Variants in GAS2 observed in about 807,000 individuals in gnomAD.
GAS2 encodes growth arrest-specific protein 2.
GAS2 carries 20 observed loss-of-function variants against 37.5 expected under a neutral mutation model. That is an observed-to-expected ratio of 0.53 (90% CI 0.37 to 0.77). The LOEUF (loss-of-function observed/expected upper bound fraction) is 0.77, where lower values mean the gene tolerates loss of function less well. Among genes scored for constraint, GAS2 ranks in the 30% least tolerant of loss-of-function variants. The pLI, the probability that GAS2 is intolerant of heterozygous loss-of-function variation, is 0.00. For missense variants in GAS2, 336 were observed against 373.4 expected (o/e 0.90, Z 0.82); for synonymous variants, 144 against 132.2 (o/e 1.09, Z -0.61).
chr11:22,667,204 C>G (rs1849019607), intron 1 of GAS2: 1 of 152,176 alleles, frequency 6.6e-6, no homozygotes. Flanking sequence ...CGTAAGCCCG[C>G]TGGGGTGGCT....
At chr11:22,811,507 G>C (rs1297073758) in intron 7 of GAS2, among the ~76,000 whole-genome samples, 1 of 152,166 alleles carries the variant, frequency 6.6e-6, no homozygotes, top group Non-Finnish European at 1.5e-5. Context: ...TAGAAGATCA[G>C]ATGTCAGAGA....
chr11:22,746,028 A>T (rs1233238888), intron 5 of GAS2, among the ~76,000 whole-genome samples: 1 of 152,020 alleles, frequency 6.6e-6, no homozygotes, highest in African/African-American at 2.4e-5. Flanking sequence ...ATACACACAA[A>T]AAATTTAGCC....
chr11:22,715,908 A>G (rs978448208), intron 3 of GAS2, among the ~76,000 whole-genome samples: 26 of 152,106 alleles, frequency 1.7e-4, no homozygotes, highest in African/African-American at 6.3e-4. Flanking sequence ...GAAAACTACA[A>G]ACCAATATCC....
intron 7 of GAS2, among the ~76,000 whole-genome samples, chr11:22,787,415 A>G (rs936329351): frequency 2.0e-5 from 3 of 152,200 alleles, no homozygotes; most frequent in African/African-American, 7.2e-5. Flanking sequence ...TGTGCATAAC[A>G]TACAATTATA....
At chr11:22,631,070 A>G (rs1318452114) in intron 1 of GAS2, among the ~76,000 whole-genome samples, 1 of 152,112 alleles carries the variant, frequency 6.6e-6, no homozygotes, top group Admixed American at 6.6e-5. Context: ...TTCTTTGTTA[A>G]GTAAATTCCT....
At chr11:22,724,545 T>TA (rs1852103305) in intron 3 of GAS2, among the ~76,000 whole-genome samples, 1 of 152,064 alleles carries the variant, frequency 6.6e-6, no homozygotes, top group African/African-American at 2.4e-5. Flanking sequence ...AACATTATAC[T>TA]ACACTATTTC....
At chr11:22,674,549 A>C (rs1849340502) in intron 1 of GAS2, among the ~76,000 whole-genome samples, 1 of 152,158 alleles carries the variant, frequency 6.6e-6, no homozygotes, top group Non-Finnish European at 1.5e-5. Context: ...CTCGTGTTTC[A>C]ATATGTGGAA....
At chr11:22,743,695 G>A (rs1853219622) in intron 5 of GAS2, among the ~76,000 whole-genome samples, 2 of 151,952 alleles carry the variant, frequency 1.3e-5, no homozygotes, top group South Asian at 4.1e-4. Flanking sequence ...ACTCATCGAA[G>A]TTAAGTGATT....
chr11:22,729,083 G>A (rs1167712254), intron 4 of GAS2, among the ~76,000 whole-genome samples: 1 of 151,352 alleles, frequency 6.6e-6, no homozygotes, highest in Non-Finnish European at 1.5e-5. Context: ...AGAAGATGAA[G>A]CACATCCTTT....
intron 5 of GAS2, among the ~76,000 whole-genome samples, chr11:22,745,460 C>T (rs1481271689): frequency 6.6e-6 from 1 of 152,030 alleles, no homozygotes; most frequent in Non-Finnish European, 1.5e-5. Context: ...CAAAAATTAG[C>T]TCAAGATACA....
chr11:22,638,632 C>T (rs1344779074), intron 1 of GAS2, among the ~76,000 whole-genome samples: 2 of 152,054 alleles, frequency 1.3e-5, no homozygotes, highest in East Asian at 3.9e-4. Context: ...AGGCATGAGC[C>T]GTTGCACGCA....
chr11:22,645,110 T>G (rs1158013075), intron 1 of GAS2, among the ~76,000 whole-genome samples: 1 of 152,220 alleles, frequency 6.6e-6, no homozygotes, highest in African/African-American at 2.4e-5. Context: ...CCATAGCCAA[T>G]TCTACATATC....
chr11:22,765,061 A>C (rs1344102972), intron 7 of GAS2, among the ~76,000 whole-genome samples: 1 of 152,232 alleles, frequency 6.6e-6, no homozygotes, highest in African/African-American at 2.4e-5. Flanking sequence ...AAATGACGTC[A>C]TTGAAAAACT....
chr11:22,675,694 A>G (rs1157510369), intron 2 of GAS2, among the ~76,000 whole-genome samples: 2 of 152,152 alleles, frequency 1.3e-5, no homozygotes, highest in African/African-American at 4.8e-5. Context: ...ATATAGCAGC[A>G]CTATTTCCAC....
intron 5 of GAS2, among the ~76,000 whole-genome samples, chr11:22,742,218 T>C (rs1853129535): frequency 6.6e-6 from 1 of 152,144 alleles, no homozygotes; most frequent in Non-Finnish European, 1.5e-5. Context: ...TAGTGGATTC[T>C]ACCTTCTTGG....
intron 5 of GAS2, among the ~76,000 whole-genome samples, chr11:22,744,969 T>C (rs558030182): frequency 2.9e-4 from 44 of 151,834 alleles, no homozygotes; most frequent in African/African-American, 1.0e-3. Context: ...CTGAAAGAAA[T>C]AATAGATGAC....
At chr11:22,650,146 T>A (rs1238116418) in intron 1 of GAS2, among the ~76,000 whole-genome samples, 1 of 152,016 alleles carries the variant, frequency 6.6e-6, no homozygotes, top group Non-Finnish European at 1.5e-5. Context: ...TCAAAGAACA[T>A]CTTTATTTCT....
At chr11:22,729,480 C>T (rs1192982352) in intron 4 of GAS2, among the ~76,000 whole-genome samples, 1 of 151,792 alleles carries the variant, frequency 6.6e-6, no homozygotes, top group Non-Finnish European at 1.5e-5. Flanking sequence ...CAGATAACTT[C>T]CTATGCCATA....
In GAS2 at chr11:22,672,240, A is replaced by G. The variant is rs572960369; in HGVS notation, c.-20-2610A>G. The stretch of plus-strand genomic sequence containing the variant: ...TTTTGACTGTATACAAAGTAACAAA[A>G]TAAAAATTGCTTAATTATTCTTATT... On this transcript the variant is annotated intron_variant, in intron 1 of 7. Coordinates refer to ENST00000454584, the MANE Select transcript of GAS2 (RefSeq NM_001143830.3). Among the ~76,000 whole-genome samples, 13 of 152,316 alleles carry G rather than the reference A, an allele frequency of 8.5e-5. No homozygotes were observed. In the South Asian group the frequency reaches 2.7e-3, roughly 32 times the overall value.
Sources: allele counts gnomAD v4.1 joint callset (sites outside exome capture counted in the v4.1 genomes callset), GRCh38; gene constraint gnomAD v4.1.1; transcripts MANE v1.5; gene names NCBI Gene and HGNC (gene_info 2026-07-23, HGNC 2026-07-21).